MYO1E: variants seen among roughly 807,000 people sequenced by gnomAD.
The protein encoded by MYO1E is myosin IE, also known as unconventional myosin-Ie.
MYO1E carries 68 observed loss-of-function variants against 151.1 expected under a neutral mutation model. That is an observed-to-expected ratio of 0.45 (90% confidence interval 0.37 to 0.55). The LOEUF (loss-of-function observed/expected upper bound fraction) is 0.55. Ranked by LOEUF, MYO1E falls within the 20% of genes least tolerant of loss-of-function variation. The probability of loss-of-function intolerance (pLI) is 0.00; values close to 1 mark genes in which losing one functional copy is unlikely to be tolerated. For missense variants in MYO1E, 1,363 were observed against 1,389.3 expected (o/e 0.98, Z 0.30); for synonymous variants, 601 against 501.7 (o/e 1.20, Z -2.64).
rs200066836 is a variant in MYO1E at position 59,223,055 on chromosome 15, G to A, written c.910+4C>T. 153 of 1,613,708 alleles carry A rather than the reference G, an allele frequency of 9.5e-5. No homozygotes were observed. In the African/African-American group the frequency reaches 1.7e-3, roughly 18 times the overall value. ...TTCAATGGCCACATGCCAGGGCTAC[G>A]CACACTCTTCACTCTCCACAGCCGC... On this transcript the variant is annotated splice_donor_region_variant and intron_variant, in intron 9 of 27. Transcript: ENST00000288235.
At chr15:59,203,527 G>A (rs147132123) in intron 15 of MYO1E, among the ~76,000 whole-genome samples, 20 of 152,052 alleles carry the variant, frequency 1.3e-4, no homozygotes, top group Admixed American at 2.6e-4. Flanking sequence ...CTACAAGTGC[G>A]TGCCACCACA....
chr15:59,141,160 A>G (rs1434415967), intron 26 of MYO1E, among the ~76,000 whole-genome samples: 1 of 152,132 alleles, frequency 6.6e-6, no homozygotes, highest in Non-Finnish European at 1.5e-5. Flanking sequence ...GGCGGCGGGC[A>G]TTACAACACC....
rs1466558274 is a variant in MYO1E at position 59,136,684 on chromosome 15, T to C, written c.*696A>G. ...GATCCTTCTTGTAGTAAGTACAGCA[T>C]TTAAACACAAACCAATATGGGCCAG... On this transcript the variant is annotated 3_prime_UTR_variant, in exon 28 of 28. Transcript: ENST00000288235. The C allele has an allele frequency of 4.4e-5, 20 of 456,424 alleles. No homozygotes were observed. Among genetic ancestry groups the C allele is most frequent in the African/African-American group, 1.4e-4 (7 of 50,168 alleles). 28.3% of individuals were successfully genotyped at this position (456,424 alleles called of 1,614,324 possible). A position where few individuals can be genotyped will look rare whatever the true frequency, so the allele number is the denominator to read the frequency against.
chr15:59,197,054 G>A (rs988753237), intron 16 of MYO1E, among the ~76,000 whole-genome samples: 15 of 131,272 alleles, frequency 1.1e-4, no homozygotes, highest in African/African-American at 4.0e-4. Context: ...GTGCAGTGGC[G>A]TGATCTCTGC....
At chr15:59,250,253 T>A (rs2080156245) in intron 4 of MYO1E, among the ~76,000 whole-genome samples, 1 of 152,148 alleles carries the variant, frequency 6.6e-6, no homozygotes, top group African/African-American at 2.4e-5. Context: ...CTTTGGGACA[T>A]ACCATCGCAA....
intron 1 of MYO1E, among the ~76,000 whole-genome samples, chr15:59,289,742 T>C (rs1198862629): frequency 6.6e-6 from 1 of 152,210 alleles, no homozygotes; most frequent in Non-Finnish European, 1.5e-5. Context: ...GTGTTCCTTC[T>C]GCCAGTAACT....
At chr15:59,184,305 C>A (rs1281879790) in intron 18 of MYO1E, among the ~76,000 whole-genome samples, 1 of 152,010 alleles carries the variant, frequency 6.6e-6, no homozygotes, top group Non-Finnish European at 1.5e-5. Context: ...CTGCGCCTGG[C>A]CTGGATCTCA....
At chr15:59,151,863 C>G (rs958487432) in intron 26 of MYO1E, among the ~76,000 whole-genome samples, 1 of 151,700 alleles carries the variant, frequency 6.6e-6, no homozygotes, top group Admixed American at 6.6e-5. Context: ...CTGGCCAACA[C>G]AGTGAAACTC....
chr15:59,172,419 C>A (rs1305592430), intron 21 of MYO1E, among the ~76,000 whole-genome samples: 1 of 152,156 alleles, frequency 6.6e-6, no homozygotes, highest in Admixed American at 6.5e-5. Flanking sequence ...ACTGCTGTTA[C>A]CAGGACAGGG....
At chr15:59,225,170 G>A (rs116384862) in intron 7 of MYO1E, among the ~76,000 whole-genome samples, 17 of 152,292 alleles carry the variant, frequency 1.1e-4, no homozygotes, top group African/African-American at 4.1e-4. Flanking sequence ...TCTCACTGCA[G>A]GGTGCATGTT....
At chr15:59,206,606 C>T (rs1306776216) in intron 14 of MYO1E, 2 of 282,546 alleles carry the variant, frequency 7.1e-6, no homozygotes, top group African/African-American at 2.2e-5. Context: ...AAGCATGTTT[C>T]CTCAGCATTC....
chr15:59,226,261 G>A (rs1022139922), intron 7 of MYO1E, among the ~76,000 whole-genome samples: 3 of 152,078 alleles, frequency 2.0e-5, no homozygotes, highest in African/African-American at 7.2e-5. Context: ...ATTTGGCATT[G>A]CCTAAGATGT....
At chr15:59,275,137 C>T (rs561286020) in intron 1 of MYO1E, among the ~76,000 whole-genome samples, 10 of 152,138 alleles carry the variant, frequency 6.6e-5, no homozygotes, top group Non-Finnish European at 1.5e-4. Context: ...TGACTATGGA[C>T]GCATCCAAAC....
At chr15:59,265,792 T>TTAA (rs775309857) in intron 2 of MYO1E, among the ~76,000 whole-genome samples, 26 of 106,308 alleles carry the variant, frequency 2.4e-4, no homozygotes, top group African/African-American at 4.7e-4. Context: ...CCCATCTCCT[T>TTAA]AAAAAAAAAA....
chr15:59,154,062 C>T (rs1729902607), intron 25 of MYO1E, among the ~76,000 whole-genome samples: 1 of 152,216 alleles, frequency 6.6e-6, no homozygotes, highest in African/African-American at 2.4e-5. Flanking sequence ...TGGTCAACTT[C>T]CCGGGATGTG....
In MYO1E at chr15:59,138,303, G is replaced by T; in HGVS notation, c.3145C>A (p.Pro1049Thr). The change falls in exon 27 of 28, where the codon CCC becomes ACC. Residue 1049 changes from proline to threonine, a missense_variant. Physicochemically the swap from Pro to Thr is conservative, Grantham distance 38 (BLOSUM62 -1). Coordinates refer to ENST00000288235, the MANE Select transcript of MYO1E (RefSeq NM_004998.4). ...TTGCACTGTGGCACCTGAGGCTTGG[G>T]CTTGGGCTGGGGCTTGGGTCTGCCC... ...AGGRPKPQPK[P>T]KPQVPQCKAL... 6.2e-7 allele frequency: 1 copy of T among 1,614,200 alleles called. No homozygotes were observed. Among genetic ancestry groups the T allele is most frequent in the African/African-American group, 1.3e-5 (1 of 75,054 alleles).
intron 1 of MYO1E, among the ~76,000 whole-genome samples, chr15:59,325,258 T>C (rs891518343): frequency 1.3e-5 from 2 of 152,142 alleles, no homozygotes; most frequent in Non-Finnish European, 2.9e-5. Flanking sequence ...ATGGTCTCCA[T>C]CTCTTGAACT....
chr15:59,231,517 G>A (rs926348448), intron 6 of MYO1E, among the ~76,000 whole-genome samples, 185 bp downstream of exon 6: 7 of 152,088 alleles, frequency 4.6e-5, no homozygotes, highest in Non-Finnish European at 7.4e-5. Flanking sequence ...TTGTATCCCC[G>A]GGGCGCAAAA....
intron 4 of MYO1E, among the ~76,000 whole-genome samples, chr15:59,249,644 T>C (rs1344027471): frequency 1.3e-5 from 2 of 152,096 alleles, no homozygotes; most frequent in African/African-American, 2.4e-5. Flanking sequence ...AACACCACCA[T>C]AGAAATTAGG....
Sources: gnomAD v4.1 joint callset for allele counts (sites outside exome capture counted in the v4.1 genomes callset) on GRCh38, gnomAD v4.1.1 for gene constraint, MANE v1.5 for transcripts, NCBI Gene and HGNC (gene_info 2026-07-23, HGNC 2026-07-21) for gene names.